Variants in RETREG1 observed in about 807,000 individuals in gnomAD.
The protein encoded by RETREG1 is reticulophagy regulator 1, also known as family with sequence similarity 134 member B.
RETREG1 carries 44 observed loss-of-function variants against 54.8 expected under a neutral mutation model. The observed-to-expected ratio is 0.80, with a 90% CI of 0.63 to 1.03. The LOEUF (loss-of-function observed/expected upper bound fraction) is 1.03. Among genes scored for constraint, RETREG1 ranks in the 50% least tolerant of loss-of-function variants. The pLI, the probability that RETREG1 is intolerant of heterozygous loss-of-function variation, is 0.00. For missense variants in RETREG1, 554 were observed against 605.1 expected (o/e 0.92, Z 0.89); for synonymous variants, 217 against 238.5 (o/e 0.91, Z 0.83).
At chr5:16,501,175 G>C (rs1294698006) in intron 3 of RETREG1, among the ~76,000 whole-genome samples, 1 of 152,112 alleles carries the variant, frequency 6.6e-6, no homozygotes, top group Non-Finnish European at 1.5e-5. Flanking sequence ...ATTTAACATG[G>C]CTTACCATAT....
intron 3 of RETREG1, among the ~76,000 whole-genome samples, chr5:16,546,246 C>A (rs1262049761): frequency 6.6e-6 from 1 of 152,114 alleles, no homozygotes; most frequent in Admixed American, 6.5e-5. Flanking sequence ...CAGCTCACTG[C>A]AGCCTCAAAT....
intron 3 of RETREG1, among the ~76,000 whole-genome samples, chr5:16,494,379 G>A (rs1739366878): frequency 6.6e-6 from 1 of 152,200 alleles, no homozygotes; most frequent in Non-Finnish European, 1.5e-5. Context: ...CAAATCTCAT[G>A]TCAAATTGTA....
intron 1 of RETREG1, among the ~76,000 whole-genome samples, chr5:16,599,378 TATC>T (rs1347642241): frequency 6.6e-6 from 1 of 152,184 alleles, no homozygotes; most frequent in African/African-American, 2.4e-5. Context: ...AGTAATAAAT[TATC>T]ATCACGCCAA....
chr5:16,578,487 C>T (rs1742396768), intron 1 of RETREG1, among the ~76,000 whole-genome samples: 1 of 152,110 alleles, frequency 6.6e-6, no homozygotes, highest in African/African-American at 2.4e-5. Context: ...CCTGTAAGGA[C>T]ATCAAAAAAC....
intron 1 of RETREG1, among the ~76,000 whole-genome samples, chr5:16,611,287 G>A (rs1050106585): frequency 6.6e-6 from 1 of 152,156 alleles, no homozygotes; most frequent in Non-Finnish European, 1.5e-5. Context: ...ATAGCATTAG[G>A]AGATACATCT....
chr5:16,591,976 C>T (rs1417517116), intron 1 of RETREG1, among the ~76,000 whole-genome samples: 1 of 152,238 alleles, frequency 6.6e-6, no homozygotes, highest in Non-Finnish European at 1.5e-5. Flanking sequence ...CTCACTTCAA[C>T]CACATGACAC....
chr5:16,539,064 G>T (rs2126604319), intron 3 of RETREG1, among the ~76,000 whole-genome samples: 1 of 152,274 alleles, frequency 6.6e-6, no homozygotes, highest in East Asian at 1.9e-4. Context: ...TCAGGTGACT[G>T]AAGTCATCTC....
At position 16,527,800 on chromosome 5, in the gene RETREG1, A is replaced by ATTTTTTTTTTTTTTTTT. The variant is rs386403108; in HGVS notation, c.458+37946_458+37962dup. Among the ~76,000 whole-genome samples, 279 of 66,260 alleles carry ATTTTTTTTTTTTTTTTT rather than the reference A, an allele frequency of 4.2e-3. 56 individuals carry two copies. The highest frequency in any genetic ancestry group is 5.0e-3 in the Non-Finnish European group (186 of 37,410). 43.5% of individuals were successfully genotyped at this position (66,260 alleles called of 152,430 possible). ...CTTAGTACAATTTCGAGGGACTCTA[A>ATTTTTTTTTTTTTTTTT]TTTTTTTTTTTTTTTTTTTTTTTTT... On this transcript the variant is annotated intron_variant, in intron 3 of 8. Transcript: ENST00000306320.
chr5:16,500,509 T>A (rs1291183721), intron 3 of RETREG1, among the ~76,000 whole-genome samples: 3 of 152,078 alleles, frequency 2.0e-5, no homozygotes, highest in Admixed American at 6.5e-5. Flanking sequence ...TCTACACACT[T>A]GCTAGAGGAG....
chr5:16,564,135 T>G (rs1708462320), intron 3 of RETREG1, among the ~76,000 whole-genome samples: 1 of 152,228 alleles, frequency 6.6e-6, no homozygotes, highest in Non-Finnish European at 1.5e-5. Flanking sequence ...TTTTAAATTC[T>G]CAGTTTGCTT....
At chr5:16,493,268 A>C (rs552780067) in intron 3 of RETREG1, among the ~76,000 whole-genome samples, 1 of 152,332 alleles carries the variant, frequency 6.6e-6, no homozygotes, top group Admixed American at 6.5e-5. Context: ...TATTTATTAC[A>C]GTTTCAAGTT....
At chr5:16,601,260 C>T (rs1013237999) in intron 1 of RETREG1, among the ~76,000 whole-genome samples, 10 of 143,364 alleles carry the variant, frequency 7.0e-5, no homozygotes, top group African/African-American at 2.6e-4. Flanking sequence ...CCCAGCTACT[C>T]GGGAGGCTGA....
intron 1 of RETREG1, among the ~76,000 whole-genome samples, chr5:16,576,554 C>A (rs1365470722): frequency 1.3e-5 from 2 of 151,946 alleles, no homozygotes; most frequent in Non-Finnish European, 2.9e-5. Flanking sequence ...GGCACGATCT[C>A]GGCTCACCGC....
At chr5:16,579,092 G>T (rs1002637058) in intron 1 of RETREG1, among the ~76,000 whole-genome samples, 1 of 152,146 alleles carries the variant, frequency 6.6e-6, no homozygotes, top group Non-Finnish European at 1.5e-5. Flanking sequence ...GAATTAGAGA[G>T]GTTACCCTTA....
intron 3 of RETREG1, among the ~76,000 whole-genome samples, chr5:16,502,636 A>C (rs578063123): frequency 2.6e-5 from 4 of 152,382 alleles, no homozygotes; most frequent in African/African-American, 9.6e-5. Context: ...ACAGTATAAC[A>C]GTATTTTTTC....
At chr5:16,508,370 G>A (rs530541130) in intron 3 of RETREG1, among the ~76,000 whole-genome samples, 1 of 152,090 alleles carries the variant, frequency 6.6e-6, no homozygotes, top group Admixed American at 6.5e-5. Context: ...GCACTTATTG[G>A]CATAAGTTTT....
chr5:16,487,822 T>C (rs1739075820), intron 3 of RETREG1, among the ~76,000 whole-genome samples: 1 of 152,248 alleles, frequency 6.6e-6, no homozygotes, highest in Admixed American at 6.5e-5. Flanking sequence ...ACTCACTTTG[T>C]CCACAGAAAG....
intron 3 of RETREG1, among the ~76,000 whole-genome samples, chr5:16,557,730 G>T: frequency 6.6e-6 from 1 of 152,282 alleles, no homozygotes; most frequent in East Asian, 1.9e-4. Context: ...TCCCAGGCTC[G>T]CCTAGGCCTC....
intron 3 of RETREG1, among the ~76,000 whole-genome samples, chr5:16,549,436 A>G (rs1337943033): frequency 6.6e-6 from 1 of 152,224 alleles, no homozygotes; most frequent in African/African-American, 2.4e-5. Flanking sequence ...ATATATTAAT[A>G]TAAGTAAAAC....
Sources: allele counts gnomAD v4.1 joint callset (sites outside exome capture counted in the v4.1 genomes callset), GRCh38; gene constraint gnomAD v4.1.1; transcripts MANE v1.5; gene names NCBI Gene and HGNC (gene_info 2026-07-23, HGNC 2026-07-21).